The following VGLL4 variants were observed in gnomAD, a reference collection of about 807,000 sequenced individuals.
VGLL4 encodes the protein vestigial like family member 4.
In VGLL4, 7 loss-of-function variants were observed where a neutral mutation model predicts 21.0. That is an observed-to-expected ratio of 0.33 (90% CI 0.19 to 0.63). VGLL4 has a LOEUF of 0.63. Among genes scored for constraint, VGLL4 ranks in the 20% least tolerant of loss-of-function variants. The pLI is 0.78. For synonymous variants in VGLL4, 222 were observed against 173.2 expected, an observed-to-expected ratio of 1.28 and a Z score of -2.21; for missense variants, 394 against 425.7, an observed-to-expected ratio of 0.93 and a Z score of 0.66.
intron 1 of VGLL4, chr3:11,626,289 C>T (rs1402304006): frequency 2.2e-6 from 1 of 448,054 alleles, no homozygotes; most frequent in Non-Finnish European, 4.5e-6. Flanking sequence ...CTCAAAGACA[C>T]AACCTTTCCA....
intron 1 of VGLL4, among the ~76,000 whole-genome samples, chr3:11,640,013 C>A (rs2616543): frequency 0.6 from 91,282 of 152,060 alleles, 27,990 homozygotes; most frequent in Non-Finnish European, 0.66. Flanking sequence ...AACAGAGTTT[C>A]CCTCTCTGAG....
rs908995734 is a variant in VGLL4, at chr3:11,558,821, G to A, written c.626C>T (p.Thr209Ile). The change falls in exon 5 of 5, where the codon ACC becomes ATC. Residue 209 changes from threonine (T) to isoleucine (I), a missense_variant. Transcript: ENST00000430365. ...CTCCTCCACCACGGGGTCACAGGTG[G>A]TGGCAGCTGCAGGCAAGCAGGAAGG... ...ASYRRPPSAA[T>I]TCDPVVEEHF... 1.2e-6 allele frequency: 2 copies of A among 1,610,554 alleles called. No homozygotes were observed. Among genetic ancestry groups the A allele is most frequent in the Non-Finnish European group, 1.7e-6 (2 of 1,177,570 alleles).
chr3:11,561,009 C>T (rs902466815), intron 3 of VGLL4, among the ~76,000 whole-genome samples: 1 of 152,030 alleles, frequency 6.6e-6, no homozygotes, highest in Non-Finnish European at 1.5e-5. Context: ...AGCAGAATAC[C>T]GAGACCTGGA....
intron 2 of VGLL4, among the ~76,000 whole-genome samples, chr3:11,579,881 C>T (rs1291761957): frequency 5.3e-5 from 8 of 152,164 alleles, no homozygotes; most frequent in African/African-American, 7.2e-5. Context: ...TCCTGGAGCT[C>T]GGTCTGCCCT....
intron 1 of VGLL4, among the ~76,000 whole-genome samples, chr3:11,624,627 G>C (rs1282875030): frequency 1.3e-5 from 2 of 152,024 alleles, no homozygotes; most frequent in East Asian, 1.9e-4. Flanking sequence ...ACTATCTGCT[G>C]CCTTCTATTC....
intron 2 of VGLL4, among the ~76,000 whole-genome samples, chr3:11,593,480 T>C (rs1489539874): frequency 6.6e-6 from 1 of 152,236 alleles, no homozygotes; most frequent in Non-Finnish European, 1.5e-5. Context: ...CAACCTTTTG[T>C]TAAGCTGAAT....
intron 2 of VGLL4, among the ~76,000 whole-genome samples, chr3:11,695,120 G>A (rs939070345): frequency 3.3e-4 from 48 of 147,632 alleles, no homozygotes; most frequent in African/African-American, 7.3e-4. Context: ...GTGCAATCTC[G>A]GCTCACTGCA....
intron 1 of VGLL4, among the ~76,000 whole-genome samples, chr3:11,634,075 G>A (rs560376740): frequency 1.3e-5 from 2 of 152,236 alleles, no homozygotes; most frequent in Admixed American, 1.3e-4. Context: ...AAAGCTTCAA[G>A]TATTCTCTAT....
intron 1 of VGLL4, chr3:11,610,146 A>T (rs1313903537): frequency 6.6e-6 from 1 of 152,346 alleles, no homozygotes. Flanking sequence ...TGTCCTGGCG[A>T]GAGGGCACCC....
At chr3:11,664,022 C>CTTTT in intron 2 of VGLL4, among the ~76,000 whole-genome samples, 1 of 152,044 alleles carries the variant, frequency 6.6e-6, no homozygotes, top group Non-Finnish European at 1.5e-5. Context: ...GAGTCCAAGG[C>CTTTT]GGGAGGATCA....
chr3:11,574,785 ATGTGTGTG>A (rs375691226), intron 2 of VGLL4, among the ~76,000 whole-genome samples: 5,220 of 121,726 alleles, frequency 0.043, 110 homozygotes, highest in Non-Finnish European at 0.057. Context: ...TCAACTATAT[ATGTGTGTG>A]TGTGTGTGTG....
chr3:11,567,366 T>G (rs2073587189), intron 2 of VGLL4, among the ~76,000 whole-genome samples: 1 of 152,104 alleles, frequency 6.6e-6, no homozygotes, highest in Non-Finnish European at 1.5e-5. Context: ...CAGGACCCAG[T>G]ATTCGTTTAT....
At chr3:11,668,045 G>A (rs972924265) in intron 2 of VGLL4, among the ~76,000 whole-genome samples, 7 of 151,434 alleles carry the variant, frequency 4.6e-5, no homozygotes, top group East Asian at 1.9e-4. Context: ...TGTAGAGACC[G>A]GGTTTCACCA....
At chr3:11,721,658 CAG>C (rs1327949501), upstream of VGLL4, 4 of 152,198 alleles carry the variant, frequency 2.6e-5, no homozygotes, top group African/African-American at 9.7e-5. Context: ...CAAACTCAGA[CAG>C]GGAATGAGGA....
chr3:11,690,117 T>A (rs145672993), intron 2 of VGLL4, among the ~76,000 whole-genome samples: 37 of 114,810 alleles, frequency 3.2e-4, no homozygotes, highest in African/African-American at 9.0e-4. Context: ...GGCCCCTTCC[T>A]GTTGGTGGTT....
rs1180557789 is a variant in VGLL4 at position 11,653,768 on chromosome 3, A to G, written c.64+49203T>C. On this transcript the variant is annotated intron_variant, in intron 2 of 5. Transcript: ENST00000273038. This position sits in a 1 kb window ranked among gnomAD's most constrained non-coding sequence, Gnocchi z 4.2. Reference sequence around the variant, plus strand: ...GGTATGAGATTTCAAGTTGCTCCCCATCCTTGCCAACAGTTTTCCAACTCT... The same window carrying G: ...GGTATGAGATTTCAAGTTGCTCCCCGTCCTTGCCAACAGTTTTCCAACTCT... Among the ~76,000 whole-genome samples, 2 of 152,308 alleles carry G rather than the reference A, an allele frequency of 1.3e-5. No individual in the cohort carries two copies. The highest frequency in any genetic ancestry group is 2.1e-4 in the South Asian group (1 of 4,820).
intron 1 of VGLL4, chr3:11,626,469 T>C: frequency 2.2e-6 from 1 of 453,320 alleles, no homozygotes; most frequent in Admixed American, 2.4e-5. Flanking sequence ...GTTTTGGTTT[T>C]TTCTCATGAC....
At chr3:11,677,988 C>T (rs1646729873) in intron 2 of VGLL4, among the ~76,000 whole-genome samples, 1 of 151,720 alleles carries the variant, frequency 6.6e-6, no homozygotes, top group Non-Finnish European at 1.5e-5. Context: ...TGAATAACTT[C>T]TGGGCTAGCT....
At chr3:11,664,933 A>ATT (rs200172094) in intron 2 of VGLL4, among the ~76,000 whole-genome samples, 4 of 145,564 alleles carry the variant, frequency 2.7e-5, no homozygotes, top group African/African-American at 1.0e-4. Flanking sequence ...TCTTTTCTCT[A>ATT]TTTTTTTTTT....
Sources: allele counts gnomAD v4.1 joint callset (sites outside exome capture counted in the v4.1 genomes callset), GRCh38; gene constraint gnomAD v4.1.1; non-coding constraint Gnocchi (gnomAD v3.1); transcripts MANE v1.5; gene names NCBI Gene and HGNC (gene_info 2026-07-23, HGNC 2026-07-21).